VAT1L: variants seen among roughly 807,000 people sequenced by gnomAD.
The protein encoded by VAT1L is vesicle amine transport 1 like, also known as putative NADPH-dependent quinone oxidoreductase VAT1L.
In VAT1L, 34 loss-of-function variants were observed where a neutral mutation model predicts 44.1. That is an observed-to-expected ratio of 0.77 (90% CI 0.59 to 1.03). VAT1L has a LOEUF of 1.03. Among genes scored for constraint, VAT1L ranks in the 50% least tolerant of loss-of-function variants. The probability of loss-of-function intolerance (pLI) is 0.00; values close to 1 mark genes in which losing one functional copy is unlikely to be tolerated. For synonymous variants in VAT1L, 253 were observed against 202.2 expected, an observed-to-expected ratio of 1.25 and a Z score of -2.13; for missense variants, 615 against 538.8, an observed-to-expected ratio of 1.14 and a Z score of -1.40.
intron 4 of VAT1L, among the ~76,000 whole-genome samples, chr16:77,869,964 G>A (rs1206590753): frequency 6.6e-6 from 1 of 152,126 alleles, no homozygotes; most frequent in Non-Finnish European, 1.5e-5. Context: ...CACATAATAG[G>A]AGCTTATTTT....
At chr16:77,974,737 T>A (rs1178614192) in intron 8 of VAT1L, among the ~76,000 whole-genome samples, 3 of 152,074 alleles carry the variant, frequency 2.0e-5, no homozygotes, top group African/African-American at 7.2e-5. Context: ...TAATTTTTTT[T>A]TTATTATTTT....
At chr16:77,817,093 T>C in intron 2 of VAT1L, 43 bp downstream of exon 2, 1 of 1,592,842 alleles carries the variant, frequency 6.3e-7, no homozygotes, top group Non-Finnish European at 8.6e-7. Context: ...TCATTTGGAA[T>C]CCATTGAGAC....
rs777555650 is a variant in VAT1L at position 77,862,949 on chromosome 16, A to G, written c.722+59A>G. On this transcript the variant is annotated intron_variant, in intron 4 of 8. Transcript: ENST00000302536. ...GGCCCTTGCTCTGCTCTCAAAGAGC[A>G]GTAGCACTTATTTAAAAGAGGGATA... 9.3e-5 allele frequency: 145 copies of G among 1,560,432 alleles called. 1 individual carries two copies. The highest frequency in any genetic ancestry group is 1.9e-4 in the Admixed American group (10 of 51,310).
intron 7 of VAT1L, among the ~76,000 whole-genome samples, chr16:77,953,311 G>T (rs567491658): frequency 8.5e-5 from 13 of 152,288 alleles, no homozygotes; most frequent in African/African-American, 2.9e-4. Flanking sequence ...TACTTAGACA[G>T]CAACCCTAGG....
At chr16:77,882,231 C>T (rs561667633) in intron 6 of VAT1L, 15 of 152,284 alleles carry the variant, frequency 9.9e-5, no homozygotes, top group Admixed American at 6.5e-4. Context: ...AATTAAAGGT[C>T]GACTGGAATT....
At chr16:77,844,940 A>C (rs1365901386) in intron 3 of VAT1L, among the ~76,000 whole-genome samples, 1 of 152,236 alleles carries the variant, frequency 6.6e-6, no homozygotes, top group Non-Finnish European at 1.5e-5. Context: ...AAATCATCAA[A>C]GATGTCTTCA....
At chr16:77,854,613 A>G (rs1013468697) in intron 3 of VAT1L, among the ~76,000 whole-genome samples, 1 of 152,208 alleles carries the variant, frequency 6.6e-6, no homozygotes, top group South Asian at 2.1e-4. Flanking sequence ...ATTTTCAGTT[A>G]TTTTTGCTCA....
At chr16:77,863,545 T>G (rs2016938179) in intron 4 of VAT1L, among the ~76,000 whole-genome samples, 1 of 152,178 alleles carries the variant, frequency 6.6e-6, no homozygotes, top group African/African-American at 2.4e-5. Context: ...TTTTCCTGTA[T>G]AGATAGCACC....
chr16:77,977,507 A>G, intron 8 of VAT1L, 90 bp from the exon 9 acceptor site: 1 of 1,340,682 alleles, frequency 7.5e-7, no homozygotes, highest in African/African-American at 1.4e-5. Flanking sequence ...CCTAGCCCCC[A>G]AGAAGTCCTC....
In VAT1L at chr16:77,899,399, G is replaced by C. The variant is rs111470771; in HGVS notation, c.1077+14597G>C. ...TTGGCTTGAACACCCTGGTTCATCA[G>C]TTCCTACCTTCTGTGATTAGACAGG... On this transcript the variant is annotated intron_variant, in intron 7 of 8. Transcript: ENST00000302536. 5.3e-3 allele frequency among the ~76,000 whole-genome samples: 802 copies of C among 152,320 alleles called. 14 individuals are homozygous for C. The highest frequency in any genetic ancestry group is 0.018 in the African/African-American group (767 of 41,572).
At chr16:77,906,071 G>C (rs1221007551) in intron 7 of VAT1L, among the ~76,000 whole-genome samples, 1 of 152,174 alleles carries the variant, frequency 6.6e-6, no homozygotes, top group African/African-American at 2.4e-5. Flanking sequence ...CCAGTAATGA[G>C]TGTTGAATTA....
rs368071290 is a variant in VAT1L at position 77,971,846 on chromosome 16, G to A, written c.1078-4G>A. ...GCACCTCTGTTTCTCACCTTTTCGC[G>A]CAGGTGAAGGAGGCCATGCAGCGGA... On this transcript the variant is annotated splice_polypyrimidine_tract_variant and splice_region_variant and intron_variant, in intron 7 of 8. Transcript: ENST00000302536. The A allele has an allele frequency of 1.4e-4, 218 of 1,611,414 alleles. No individual in the cohort carries two copies. The highest frequency in any genetic ancestry group is 1.7e-4 in the Non-Finnish European group (205 of 1,179,072).
chr16:77,886,191 G>C (rs957837175), intron 7 of VAT1L, among the ~76,000 whole-genome samples: 2 of 152,098 alleles, frequency 1.3e-5, no homozygotes, highest in African/African-American at 4.8e-5. Context: ...CATGCCTTCT[G>C]CTGTGTAATT....
chr16:77,949,441 T>C (rs1455064889), intron 7 of VAT1L, among the ~76,000 whole-genome samples: 1 of 152,156 alleles, frequency 6.6e-6, no homozygotes, highest in Non-Finnish European at 1.5e-5. Flanking sequence ...AGTTTGGATG[T>C]TTGTTCCCCA....
At chr16:77,838,518 C>T (rs1447832187) in intron 3 of VAT1L, among the ~76,000 whole-genome samples, 2 of 152,070 alleles carry the variant, frequency 1.3e-5, no homozygotes, top group African/African-American at 4.8e-5. Context: ...CCCCTGCTCT[C>T]AACATGCCTG....
chr16:77,892,977 C>T (rs2017284170), intron 7 of VAT1L: 1 of 681,432 alleles, frequency 1.5e-6, no homozygotes, highest in East Asian at 2.6e-5. Context: ...CAGGAGGGTA[C>T]CCTCCATCCC....
intron 1 of VAT1L, among the ~76,000 whole-genome samples, chr16:77,815,927 C>A: frequency 6.8e-6 from 1 of 147,654 alleles, no homozygotes; most frequent in South Asian, 2.1e-4. Context: ...GAGATCTCAC[C>A]ATTGCACTCC....
intron 4 of VAT1L, among the ~76,000 whole-genome samples, chr16:77,872,618 G>A (rs553641027): frequency 1.3e-5 from 2 of 152,128 alleles, no homozygotes; most frequent in Non-Finnish European, 2.9e-5. Context: ...CACAGTGGCT[G>A]CTTCCCAGTC....
chr16:77,970,845 C>T (rs1019446286), intron 7 of VAT1L, among the ~76,000 whole-genome samples: 1 of 152,198 alleles, frequency 6.6e-6, no homozygotes, highest in Non-Finnish European at 1.5e-5. Flanking sequence ...CAATCAGCCA[C>T]AGGGTGAGTT....
Sources: gnomAD v4.1 joint callset for allele counts (sites outside exome capture counted in the v4.1 genomes callset) on GRCh38, gnomAD v4.1.1 for gene constraint, MANE v1.5 for transcripts, NCBI Gene and HGNC (gene_info 2026-07-23, HGNC 2026-07-21) for gene names.